Variants in CSMD3 observed in about 807,000 individuals in gnomAD.
CSMD3 encodes CUB and Sushi multiple domains 3, also known as CUB and sushi domain-containing protein 3.
A neutral mutation model predicts 435.2 loss-of-function variants in CSMD3; 177 were observed. The observed-to-expected ratio is 0.41, with a 90% confidence interval of 0.36 to 0.46. The LOEUF (loss-of-function observed/expected upper bound fraction) is 0.46. Ranked by LOEUF, CSMD3 falls within the 20% of genes least tolerant of loss-of-function variation. The pLI, the probability that CSMD3 is intolerant of heterozygous loss-of-function variation, is 0.34. For missense variants in CSMD3, 4,265 were observed against 4,504.6 expected (o/e 0.95, Z 1.52); for synonymous variants, 1,656 against 1,520.5 (o/e 1.09, Z -2.07).
intron 32 of CSMD3, among the ~76,000 whole-genome samples, chr8:112,437,666 ACT>A (rs900896374): frequency 2.6e-5 from 4 of 152,012 alleles, no homozygotes; most frequent in African/African-American, 7.2e-5. Context: ...AACAAAATAT[ACT>A]CTTTTTTTCT....
chr8:112,677,081 G>A (rs894732414), intron 16 of CSMD3, among the ~76,000 whole-genome samples: 5 of 152,082 alleles, frequency 3.3e-5, no homozygotes, highest in Non-Finnish European at 5.9e-5. Flanking sequence ...AAAACCATCA[G>A]AATGGAATTA....
At chr8:113,375,378 A>G (rs2094374805) in intron 1 of CSMD3, among the ~76,000 whole-genome samples, 1 of 152,216 alleles carries the variant, frequency 6.6e-6, no homozygotes, top group African/African-American at 2.4e-5. Flanking sequence ...CATATGTCTA[A>G]TAAGTAAAAT....
intron 35 of CSMD3, among the ~76,000 whole-genome samples, chr8:112,406,229 G>A (rs991357897): frequency 5.3e-5 from 8 of 151,778 alleles, no homozygotes; most frequent in Non-Finnish European, 5.9e-5. Flanking sequence ...ATTAGTAGCA[G>A]CAGATTCTAT....
intron 1 of CSMD3, among the ~76,000 whole-genome samples, chr8:113,354,672 C>G (rs2094210246): frequency 6.6e-6 from 1 of 152,176 alleles, no homozygotes; most frequent in Non-Finnish European, 1.5e-5. Flanking sequence ...CGGAGTCCAA[C>G]TCTGTTGCCC....
Position 113,429,810 on chromosome 8 carries a change from T to C in CSMD3, c.178+6867A>G, listed in dbSNP as rs199612455. Among the ~76,000 whole-genome samples, 13 of 152,278 alleles carry C rather than the reference T, an allele frequency of 8.5e-5. No individual in the cohort carries two copies. In the East Asian group the frequency reaches 1.9e-3, roughly 23 times the overall value. On this transcript the variant is annotated intron_variant, in intron 1 of 70. Transcript: ENST00000297405. ...CATCTAGTCTGAGTTCTGGAATTAA[T>C]GGTCTTTGAAAACTACCAAAAATTA...
rs554339128 is a variant in CSMD3, at chr8:113,039,244, AAT to A, written c.918-20067_918-20066del. Among the ~76,000 whole-genome samples the A allele has an allele frequency of 3.6e-3, 543 of 152,238 alleles. 3 individuals carry two copies. Among genetic ancestry groups the A allele is most frequent in the African/African-American group, 0.012 (507 of 41,558 alleles). ...TCCTACCAGTTTGAATTAAAGATAA[AAT>A]ATGTTTATACATTTAAACATAAGTA... On this transcript the variant is annotated intron_variant, in intron 5 of 70. Coordinates refer to ENST00000297405, the MANE Select transcript of CSMD3 (RefSeq NM_198123.2).
rs527613306 is a variant in CSMD3, at chr8:112,917,437, C to T, written c.1633+4190G>A. On this transcript the variant is annotated intron_variant, in intron 10 of 70. Transcript: ENST00000297405. Reference sequence around the variant, plus strand: ...CTTGGTCATTCAGGAACAGGCTAGACATATATGAATATCTAGGTGGCAATT... The same window carrying T: ...CTTGGTCATTCAGGAACAGGCTAGATATATATGAATATCTAGGTGGCAATT... Among the ~76,000 whole-genome samples, 9 of 151,458 alleles carry T rather than the reference C, an allele frequency of 5.9e-5. No individual in the cohort carries two copies. The East Asian group carries it at 1.2e-3, about 20-fold the overall frequency.
intron 1 of CSMD3, among the ~76,000 whole-genome samples, chr8:113,331,954 TA>T (rs1563710562): frequency 6.6e-6 from 1 of 151,546 alleles, no homozygotes; most frequent in Non-Finnish European, 1.5e-5. Flanking sequence ...AAAAAATAAA[TA>T]AAATGCAACC....
At chr8:112,840,652 T>A (rs181593324) in intron 11 of CSMD3, among the ~76,000 whole-genome samples, 1 of 151,888 alleles carries the variant, frequency 6.6e-6, no homozygotes, top group African/African-American at 2.4e-5. Context: ...TGTATTTCAC[T>A]GCAACCTTGT....
At chr8:112,322,300 A>G (rs1006577885) in intron 45 of CSMD3, among the ~76,000 whole-genome samples, 1 of 152,092 alleles carries the variant, frequency 6.6e-6, no homozygotes, top group African/African-American at 2.4e-5. Flanking sequence ...GATTTAAAAG[A>G]TCAAAGGTTG....
chr8:112,981,191 A>C (rs968397422), intron 6 of CSMD3, among the ~76,000 whole-genome samples: 59 of 151,414 alleles, frequency 3.9e-4, no homozygotes, highest in African/African-American at 1.4e-3. Flanking sequence ...TGATTATAAG[A>C]GGCATATCTA....
chr8:113,295,987 G>T (rs1271988444), intron 2 of CSMD3, among the ~76,000 whole-genome samples: 4 of 152,048 alleles, frequency 2.6e-5, no homozygotes, highest in Non-Finnish European at 5.9e-5. Context: ...ATAAGTTCAC[G>T]TCCTTTGTAG....
intron 62 of CSMD3, 26 bp from the exon 63 acceptor site, chr8:112,254,352 A>T (rs780534317): frequency 3.0e-5 from 45 of 1,511,778 alleles, no homozygotes; most frequent in South Asian, 1.1e-5. Context: ...AAAAGATATT[A>T]GTCCTTTAAA....
At position 112,606,723 on chromosome 8, in the gene CSMD3, G is replaced by A. The variant is rs183656853; in HGVS notation, c.3716-19488C>T. ...ACTTAATGGTATACAACTAGAAGTT[G>A]GTAACAGGAGGAAAACTAGAAAATT... On this transcript the variant is annotated intron_variant, in intron 22 of 70. Coordinates refer to ENST00000297405, the MANE Select transcript of CSMD3 (RefSeq NM_198123.2). Among the ~76,000 whole-genome samples, 3 of 152,040 alleles carry A rather than the reference G, an allele frequency of 2.0e-5. No homozygotes were observed. In the East Asian group the frequency reaches 5.8e-4, roughly 29 times the overall value.
intron 3 of CSMD3, among the ~76,000 whole-genome samples, chr8:113,247,097 A>C (rs1177044839): frequency 1.3e-5 from 2 of 152,164 alleles, no homozygotes; most frequent in Non-Finnish European, 2.9e-5. Context: ...AAGGCTTTCA[A>C]AGTTTCCTAT....
Position 112,287,140 on chromosome 8 carries a change from A to G in CSMD3, c.9255T>C (p.Gly3085=). The G allele has an allele frequency of 6.2e-7, 1 of 1,613,734 alleles. No homozygotes were observed. Among genetic ancestry groups the G allele is most frequent in the South Asian group, 1.1e-5 (1 of 91,082 alleles). Residue 3085 remains glycine (G), a synonymous_variant, in exon 58 of 71, where the codon GGT becomes GGC. Coordinates refer to ENST00000297405, the MANE Select transcript of CSMD3 (RefSeq NM_198123.2). ...TTTCTTCTGAGCCATGAAGGATGTA[A>G]CCAGTATCACAAGCATAACGTACAG... ...KSTVRYACDT[G]YILHGSEERT... is the part of the protein sequence containing the mutation.
intron 7 of CSMD3, 39 bp downstream of exon 7, chr8:112,975,798 C>T (rs774625698): frequency 1.2e-6 from 2 of 1,611,280 alleles, no homozygotes; most frequent in South Asian, 2.2e-5. Flanking sequence ...ATAGCTTTGG[C>T]TGTAACTAAA....
intron 22 of CSMD3, among the ~76,000 whole-genome samples, chr8:112,589,079 T>C (rs1177319307): frequency 1.3e-5 from 2 of 152,196 alleles, no homozygotes; most frequent in Non-Finnish European, 2.9e-5. Flanking sequence ...CAAATGGTTT[T>C]AGTTCTTCTC....
At chr8:113,084,813 T>C (rs559396638) in intron 5 of CSMD3, among the ~76,000 whole-genome samples, 2 of 152,064 alleles carry the variant, frequency 1.3e-5, no homozygotes, top group East Asian at 3.9e-4. Context: ...GATACACATA[T>C]TTACAGCCAA....
Sources: gnomAD v4.1 joint callset for allele counts (sites outside exome capture counted in the v4.1 genomes callset) on GRCh38, gnomAD v4.1.1 for gene constraint, MANE v1.5 for transcripts, NCBI Gene and HGNC (gene_info 2026-07-23, HGNC 2026-07-21) for gene names.